Variants in ENOX1 observed in about 807,000 individuals in gnomAD.
ENOX1 encodes the protein candidate growth-related and time keeping constitutive hydroquinone (NADH) oxidase.
In ENOX1, 42 loss-of-function variants were observed where a neutral mutation model predicts 82.5. That is an observed-to-expected ratio of 0.51 (90% CI 0.40 to 0.66). The LOEUF (loss-of-function observed/expected upper bound fraction) is 0.66, where lower values mean the gene tolerates loss of function less well. Ranked by LOEUF, ENOX1 falls within the 30% of genes least tolerant of loss-of-function variation. The pLI, the probability that ENOX1 is intolerant of heterozygous loss-of-function variation, is 0.00. For synonymous variants in ENOX1, 271 were observed against 282.2 expected, an observed-to-expected ratio of 0.96 and a Z score of 0.40; for missense variants, 608 against 811.6, an observed-to-expected ratio of 0.75 and a Z score of 3.05.
intron 1 of ENOX1, among the ~76,000 whole-genome samples, chr13:43,781,014 T>C (rs1266551405): frequency 6.6e-6 from 1 of 152,240 alleles, no homozygotes; most frequent in East Asian, 1.9e-4. Context: ...ATAACCTTTG[T>C]TATGCTGCTG....
intron 1 of ENOX1, among the ~76,000 whole-genome samples, chr13:43,683,398 TA>T (rs1010104607): frequency 3.9e-4 from 59 of 152,292 alleles, no homozygotes; most frequent in African/African-American, 1.4e-3. Flanking sequence ...AGAGATGCAC[TA>T]CACTAATGTA....
At chr13:43,588,463 T>C (rs1280401956) in intron 2 of ENOX1, among the ~76,000 whole-genome samples, 1 of 152,200 alleles carries the variant, frequency 6.6e-6, no homozygotes, top group Non-Finnish European at 1.5e-5. Context: ...GAGAAATCCA[T>C]ATAACCCTTA....
chr13:43,747,634 T>C (rs1950094882), intron 1 of ENOX1, among the ~76,000 whole-genome samples: 1 of 152,254 alleles, frequency 6.6e-6, no homozygotes, highest in Non-Finnish European at 1.5e-5. Context: ...CAGAATCCTC[T>C]GGTGCCAACA....
chr13:43,305,632 TAGG>T (rs1434770819), intron 11 of ENOX1, among the ~76,000 whole-genome samples: 3 of 152,102 alleles, frequency 2.0e-5, no homozygotes, highest in Non-Finnish European at 2.9e-5. Context: ...GCAGCAGAAC[TAGG>T]AGGTGCTGCT....
intron 1 of ENOX1, among the ~76,000 whole-genome samples, chr13:43,696,148 A>G (rs2086630195): frequency 6.6e-6 from 1 of 152,184 alleles, no homozygotes; most frequent in South Asian, 2.1e-4. Flanking sequence ...CCAGAATAAT[A>G]TTTCATGGTA....
chr13:43,416,032 GCTC>G (rs1241369236), intron 3 of ENOX1, among the ~76,000 whole-genome samples: 6 of 149,264 alleles, frequency 4.0e-5, no homozygotes, highest in Non-Finnish European at 8.9e-5. Flanking sequence ...GGGCAGAGGC[GCTC>G]CTCACTTCCC....
At chr13:43,283,947 G>C (rs1213203928) in intron 12 of ENOX1, among the ~76,000 whole-genome samples, 1 of 151,934 alleles carries the variant, frequency 6.6e-6, no homozygotes. Context: ...TAAAAATGAT[G>C]TATGTTTTAA....
At chr13:43,275,897 G>A (rs1490410836) in intron 12 of ENOX1, among the ~76,000 whole-genome samples, 2 of 152,196 alleles carry the variant, frequency 1.3e-5, no homozygotes, top group African/African-American at 2.4e-5. Context: ...TAGGAATCCA[G>A]GAGATTTCTG....
intron 1 of ENOX1, among the ~76,000 whole-genome samples, chr13:43,780,217 A>G (rs918042468): frequency 1.3e-5 from 2 of 151,936 alleles, no homozygotes; most frequent in Admixed American, 1.3e-4. Flanking sequence ...ATACAGTACC[A>G]TTTATATGGT....
intron 2 of ENOX1, among the ~76,000 whole-genome samples, chr13:43,641,810 G>A (rs903456241): frequency 1.3e-5 from 2 of 151,950 alleles, no homozygotes; most frequent in African/African-American, 4.8e-5. Context: ...TGGGATTACA[G>A]GCATGAGCCA....
chr13:43,639,258 C>T (rs548658754), intron 2 of ENOX1, among the ~76,000 whole-genome samples: 12 of 152,126 alleles, frequency 7.9e-5, no homozygotes, highest in South Asian at 2.1e-4. Flanking sequence ...GCTGAGACGG[C>T]GCCACTGCAC....
At chr13:43,424,032 G>A (rs1454728654) in intron 3 of ENOX1, among the ~76,000 whole-genome samples, 4 of 152,190 alleles carry the variant, frequency 2.6e-5, no homozygotes, top group African/African-American at 9.7e-5. Context: ...AAGATTTCAG[G>A]TGGATGTCAG....
intron 9 of ENOX1, among the ~76,000 whole-genome samples, chr13:43,331,479 T>C (rs2048404940): frequency 6.6e-6 from 1 of 152,226 alleles, no homozygotes; most frequent in South Asian, 2.1e-4. Flanking sequence ...GCCTCAACTC[T>C]GCAGGGTACA....
chr13:43,322,427 C>T lies in ENOX1; in HGVS notation c.1218G>A (p.Glu406=). 1 of 1,614,112 alleles carries T rather than the reference C, an allele frequency of 6.2e-7. No individual in the cohort carries two copies. The highest frequency in any genetic ancestry group is 1.1e-5 in the South Asian group (1 of 91,068). Reference sequence around the variant, plus strand: ...TTTTCTTTGTAGGGCTGTCACAGTTCTCATCATCAGACATTTCCATTTCTT... The same window carrying T: ...TTTTCTTTGTAGGGCTGTCACAGTTTTCATCATCAGACATTTCCATTTCTT... ...REEEMEMSDD[E]NCDSPTKKMR... is the part of the protein sequence containing the mutation. Residue 406 remains glutamate (E), a synonymous_variant, in exon 11 of 17, where the codon GAG becomes GAA. Transcript: ENST00000690772.
At chr13:43,275,113 C>G (rs758955278) in intron 12 of ENOX1, among the ~76,000 whole-genome samples, 3 of 152,100 alleles carry the variant, frequency 2.0e-5, no homozygotes, top group Non-Finnish European at 2.9e-5. Flanking sequence ...CAGAACATGC[C>G]AAACTTAAAA....
chr13:43,470,399 T>TATATAC, intron 3 of ENOX1, among the ~76,000 whole-genome samples: 1 of 105,412 alleles, frequency 9.5e-6, no homozygotes, highest in African/African-American at 3.5e-5. Context: ...TATATATATG[T>TATATAC]GTATATATAT....
chr13:43,291,844 C>T (rs1223648412), intron 12 of ENOX1, among the ~76,000 whole-genome samples: 1 of 152,152 alleles, frequency 6.6e-6, no homozygotes, highest in Non-Finnish European at 1.5e-5. Context: ...AAAGTGAGTT[C>T]CAGGAGTTCC....
At chr13:43,431,739 C>G (rs1205171842) in intron 3 of ENOX1, among the ~76,000 whole-genome samples, 1 of 152,138 alleles carries the variant, frequency 6.6e-6, no homozygotes, top group East Asian at 1.9e-4. Flanking sequence ...TTAATCATTA[C>G]TGTTTGATTT....
Position 43,519,242 on chromosome 13 carries a change from C to T in ENOX1, c.-218-35090G>A, listed in dbSNP as rs1423627118. Among the ~76,000 whole-genome samples the T allele has an allele frequency of 2.6e-5, 4 of 152,138 alleles. No homozygotes were observed. The South Asian group carries it at 6.2e-4, about 24-fold the overall frequency. ...TCAGACAAGTGCAACAGGTTCAATT[C>T]GGTTGAGTTAAATAACATTATGGAA... On this transcript the variant is annotated intron_variant, in intron 2 of 16. Transcript: ENST00000690772.
Sources: gnomAD v4.1 joint callset for allele counts (sites outside exome capture counted in the v4.1 genomes callset) on GRCh38, gnomAD v4.1.1 for gene constraint, MANE v1.5 for transcripts, NCBI Gene and HGNC (gene_info 2026-07-23, HGNC 2026-07-21) for gene names.